Variants in TLE4 observed in about 807,000 individuals in gnomAD.
TLE4 encodes TLE family member 4, transcriptional corepressor.
TLE4 carries 8 observed loss-of-function variants against 92.8 expected under a neutral mutation model. The observed-to-expected ratio is 0.09, with a 90% CI of 0.05 to 0.16. The LOEUF (loss-of-function observed/expected upper bound fraction) is 0.16. Ranked by LOEUF, TLE4 falls within the 10% of genes least tolerant of loss-of-function variation. The pLI, the probability that TLE4 is intolerant of heterozygous loss-of-function variation, is 1.00. For missense variants in TLE4, 675 were observed against 997.6 expected, an observed-to-expected ratio of 0.68 and a Z score of 4.36; for synonymous variants, 371 against 374.1, an observed-to-expected ratio of 0.99 and a Z score of 0.10.
intron 4 of TLE4, among the ~76,000 whole-genome samples, chr9:79,587,944 C>A (rs904458160): frequency 3.3e-5 from 5 of 152,192 alleles, no homozygotes; most frequent in Admixed American, 2.0e-4. Context: ...ATCTGATTAT[C>A]CTTATTGTGT....
intron 4 of TLE4, among the ~76,000 whole-genome samples, chr9:79,608,913 A>G (rs555525382): frequency 1.3e-5 from 2 of 152,228 alleles, no homozygotes; most frequent in African/African-American, 4.8e-5. Flanking sequence ...GAAATGATCT[A>G]AATAAAAATC....
intron 5 of TLE4, among the ~76,000 whole-genome samples, chr9:79,624,336 C>T (rs1480473703): frequency 6.6e-6 from 1 of 151,956 alleles, no homozygotes; most frequent in Non-Finnish European, 1.5e-5. Flanking sequence ...CAGGCTGTGG[C>T]GTAATGTTAC....
chr9:79,706,192 G>A (rs1441682203), intron 10 of TLE4, among the ~76,000 whole-genome samples: 2 of 151,946 alleles, frequency 1.3e-5, no homozygotes, highest in Admixed American at 6.6e-5. Flanking sequence ...CTACAGGCAC[G>A]TGCCACCACG....
intron 3 of TLE4, 29 bp downstream of exon 3, chr9:79,574,965 T>G: frequency 6.3e-7 from 1 of 1,599,604 alleles, no homozygotes; most frequent in Non-Finnish European, 8.6e-7. Context: ...AGATTCAAAG[T>G]GCCTATTAGT....
intron 6 of TLE4, among the ~76,000 whole-genome samples, chr9:79,651,296 A>G (rs2058941126): frequency 6.6e-6 from 1 of 152,120 alleles, no homozygotes. Context: ...TAATACATTT[A>G]ATGTCCTTCC....
chr9:79,716,692 C>G (rs919149876), intron 14 of TLE4, among the ~76,000 whole-genome samples: 4 of 152,206 alleles, frequency 2.6e-5, no homozygotes, highest in African/African-American at 9.6e-5. Flanking sequence ...CGTACCCATT[C>G]TTTATGTTGC....
At chr9:79,701,082 A>T (rs906928572) in intron 8 of TLE4, among the ~76,000 whole-genome samples, 1 of 152,228 alleles carries the variant, frequency 6.6e-6, no homozygotes, top group Non-Finnish European at 1.5e-5. Context: ...AATTCCTCTT[A>T]TTCACATGCC....
intron 17 of TLE4, 43 bp downstream of exon 17, chr9:79,721,931 C>G (rs900533442): frequency 1.3e-6 from 2 of 1,581,494 alleles, no homozygotes; most frequent in Non-Finnish European, 1.7e-6. Context: ...CGGTTTTAGG[C>G]TGAGGTGGGC....
At chr9:79,634,427 A>G (rs1369899738) in intron 6 of TLE4, among the ~76,000 whole-genome samples, 1 of 152,232 alleles carries the variant, frequency 6.6e-6, no homozygotes, top group Non-Finnish European at 1.5e-5. Flanking sequence ...TTATATTTGC[A>G]GATACATTTT....
chr9:79,681,983 A>G (rs1417533437), intron 8 of TLE4, among the ~76,000 whole-genome samples: 4 of 151,872 alleles, frequency 2.6e-5, no homozygotes, highest in Admixed American at 1.3e-4. Context: ...ATTAGTTTGA[A>G]CTTACCTCAC....
At chr9:79,613,470 T>TA (rs548935346) in intron 5 of TLE4, among the ~76,000 whole-genome samples, 64 of 152,274 alleles carry the variant, frequency 4.2e-4, no homozygotes, top group African/African-American at 1.4e-3. Flanking sequence ...TTTTGGTAGT[T>TA]ACAAAGTTGA....
At chr9:79,577,993 T>C (rs1022764784) in intron 4 of TLE4, among the ~76,000 whole-genome samples, 1 of 152,196 alleles carries the variant, frequency 6.6e-6, no homozygotes, top group Non-Finnish European at 1.5e-5. Flanking sequence ...TTTTTTCGTT[T>C]CCTTTTAAAT....
intron 4 of TLE4, among the ~76,000 whole-genome samples, chr9:79,611,076 C>G (rs1176299245): frequency 6.6e-6 from 1 of 152,026 alleles, no homozygotes; most frequent in Non-Finnish European, 1.5e-5. Context: ...CAACCAAATG[C>G]ATTTGAGATG....
chr9:79,602,741 A>G (rs997701375), intron 4 of TLE4, among the ~76,000 whole-genome samples: 2 of 152,230 alleles, frequency 1.3e-5, no homozygotes, highest in Non-Finnish European at 2.9e-5. Context: ...CCGTGGATCA[A>G]GGAGTAATTT....
chr9:79,718,843 G>C lies in TLE4; in HGVS notation c.1462G>C (p.Glu488Gln). Residue 488 changes from glutamate (E) to glutamine (Q), a missense_variant, in exon 15 of 20, where the codon GAG (glutamate) becomes CAG (glutamine). By Grantham distance (29) the Glu-to-Gln change is conservative. Around this residue, in one of 5 missense-constraint regions of TLE4, gnomAD observed 119 missense variants for 175.9 expected, o/e 0.68. Transcript: ENST00000376552. ...CCAGATCAACACCCTCAACCACGGG[G>C]AGGTGGTGTGCGCGGTGACCATCAG... ...ARQINTLNHG[E>Q]VVCAVTISNP... is the part of the protein sequence containing the mutation. The C allele has an allele frequency of 6.2e-7, 1 of 1,614,146 alleles. No individual in the cohort carries two copies. The highest frequency in any genetic ancestry group is 1.1e-5 in the South Asian group (1 of 91,082).
intron 4 of TLE4, among the ~76,000 whole-genome samples, chr9:79,607,742 GTTTTGGTACCAGTACCATGCT>G (rs2047412212): frequency 8.3e-6 from 1 of 120,204 alleles, no homozygotes; most frequent in African/African-American, 3.5e-5. Flanking sequence ...CTATATCTCT[GTTTTGGTACCAGTACCATGCT>G]GTTTTGGTAC....
At chr9:79,628,787 C>T (rs1011820289) in intron 6 of TLE4, among the ~76,000 whole-genome samples, 5 of 151,936 alleles carry the variant, frequency 3.3e-5, no homozygotes, top group Admixed American at 1.3e-4. Flanking sequence ...GAATACATTT[C>T]GCAATTGGTT....
intron 4 of TLE4, chr9:79,576,618 A>G (rs2037866754): frequency 1.3e-5 from 2 of 152,374 alleles, no homozygotes; most frequent in Admixed American, 1.3e-4. Flanking sequence ...GAGGATGAAA[A>G]TGAAATCTGT....
At chr9:79,646,762 A>G (rs1164398342) in intron 6 of TLE4, among the ~76,000 whole-genome samples, 1 of 152,174 alleles carries the variant, frequency 6.6e-6, no homozygotes, top group Non-Finnish European at 1.5e-5. Flanking sequence ...TATCTCTGTC[A>G]TATGCCTTTT....
Sources: allele counts gnomAD v4.1 joint callset (sites outside exome capture counted in the v4.1 genomes callset), GRCh38; gene constraint gnomAD v4.1.1; regional missense constraint gnomAD v4.1.1; transcripts MANE v1.5; gene names NCBI Gene and HGNC (gene_info 2026-07-23, HGNC 2026-07-21).